The following DGKI variants were observed in gnomAD, a reference collection of about 807,000 sequenced individuals.
The protein encoded by DGKI is diacylglycerol kinase iota.
DGKI carries 55 observed loss-of-function variants against 147.5 expected under a neutral mutation model. The ratio of observed to expected loss-of-function variants is 0.37; its 90% CI spans 0.30 to 0.47. The LOEUF is 0.47. Ranked by LOEUF, DGKI falls within the 20% of genes least tolerant of loss-of-function variation. The pLI, the probability that DGKI is intolerant of heterozygous loss-of-function variation, is 1.00. For synonymous variants in DGKI, 469 were observed against 477.1 expected (o/e 0.98, Z 0.22); for missense variants, 1,007 against 1,323.8 (o/e 0.76, Z 3.71).
At chr7:137,781,326 G>A (rs1796513710) in intron 1 of DGKI, among the ~76,000 whole-genome samples, 2 of 152,174 alleles carry the variant, frequency 1.3e-5, no homozygotes, top group Non-Finnish European at 2.9e-5. Context: ...CCTTAGCAAT[G>A]GGGGGAGGGT....
At chr7:137,671,532 G>A (rs1455108499) in intron 3 of DGKI, among the ~76,000 whole-genome samples, 2 of 152,202 alleles carry the variant, frequency 1.3e-5, no homozygotes, top group Admixed American at 6.5e-5. Context: ...GTACAGAAGA[G>A]GAGGAAAATG....
At chr7:137,617,227 T>A (rs1027155035) in intron 8 of DGKI, among the ~76,000 whole-genome samples, 1 of 150,046 alleles carries the variant, frequency 6.7e-6, no homozygotes, top group Admixed American at 6.7e-5. Flanking sequence ...AGAGAAATAA[T>A]TTGGAAACAT....
At chr7:137,396,704 C>A (rs1811567516) in intron 31 of DGKI, among the ~76,000 whole-genome samples, 1 of 152,236 alleles carries the variant, frequency 6.6e-6, no homozygotes, top group African/African-American at 2.4e-5. Flanking sequence ...CACACCAACT[C>A]ATCTTTATAC....
intron 1 of DGKI, among the ~76,000 whole-genome samples, chr7:137,761,785 C>CCTCCAGACTTCTCTCCTAGA (rs1795863569): frequency 6.6e-6 from 1 of 152,174 alleles, no homozygotes; most frequent in Non-Finnish European, 1.5e-5. Flanking sequence ...TCTCTATGTT[C>CCTCCAGACTTCTCTCCTAGA]CTCCAGACTT....
At chr7:137,429,062 C>A (rs547604173) in intron 28 of DGKI, among the ~76,000 whole-genome samples, 2,807 of 152,174 alleles carry the variant, frequency 0.018, 75 homozygotes, top group African/African-American at 0.064. Context: ...CTTTAAAGTT[C>A]ATATGGAACC....
intron 18 of DGKI, among the ~76,000 whole-genome samples, chr7:137,572,015 C>T (rs1257704427): frequency 6.6e-6 from 1 of 152,202 alleles, no homozygotes; most frequent in Non-Finnish European, 1.5e-5. Flanking sequence ...ATATTGAGCA[C>T]TGCCAAGAAT....
At position 137,513,948 on chromosome 7, in the gene DGKI, G is replaced by A; in HGVS notation, c.2248+7918C>T. The A allele has an allele frequency of 6.1e-6, 5 of 813,904 alleles. No homozygotes were observed. The South Asian group carries it at 7.2e-5, about 12-fold the overall frequency. The allele number at this position is 813,904 out of a possible 1,614,324, so 50.4% of individuals were successfully genotyped here. On this transcript the variant is annotated intron_variant, in intron 21 of 32. Coordinates refer to ENST00000614521, the MANE Select transcript of DGKI (RefSeq NM_001321708.2). ...AGAGGTCCAAGTAAACCGCTAGCTT[G>A]TTGCACCGTGGAGGCCACAGGAGCA... is the stretch of plus-strand genomic sequence containing the variant.
At chr7:137,527,562 A>G (rs1453197567) in intron 20 of DGKI, among the ~76,000 whole-genome samples, 4 of 152,210 alleles carry the variant, frequency 2.6e-5, no homozygotes. Context: ...CCTTAAAGTT[A>G]TGTAATCATT....
chr7:137,418,009 G>A (rs1020181743), intron 28 of DGKI, among the ~76,000 whole-genome samples: 1 of 152,202 alleles, frequency 6.6e-6, no homozygotes, highest in South Asian at 2.1e-4. Context: ...AACAGACTAA[G>A]ATCCCCACCT....
intron 22 of DGKI, among the ~76,000 whole-genome samples, chr7:137,486,440 A>G (rs1025960608): frequency 2.0e-5 from 3 of 152,116 alleles, no homozygotes; most frequent in African/African-American, 4.8e-5. Flanking sequence ...AGCAAAATAC[A>G]AACATTATTT....
In DGKI at chr7:137,648,503, G is replaced by T. The variant is rs139747005; in HGVS notation, c.739-2966C>A. Among the ~76,000 whole-genome samples the T allele has an allele frequency of 7.5e-4, 114 of 152,306 alleles. 1 individual carries two copies. The highest frequency in any genetic ancestry group is 2.7e-3 in the African/African-American group (111 of 41,562). ...TTCCCAGTGGGTGACTGAAACTAGG[G>T]ATAGTACCAAACTTTACATATACAA... On this transcript the variant is annotated intron_variant, in intron 5 of 32. Transcript: ENST00000614521.
chr7:137,755,489 G>A (rs770932817), intron 1 of DGKI, among the ~76,000 whole-genome samples: 1 of 152,200 alleles, frequency 6.6e-6, no homozygotes, highest in Non-Finnish European at 1.5e-5. Context: ...TCTAGATTGA[G>A]ATCTTTGCCT....
At chr7:137,816,832 T>C (rs2117019407) in intron 1 of DGKI, among the ~76,000 whole-genome samples, 1 of 152,300 alleles carries the variant, frequency 6.6e-6, no homozygotes, top group African/African-American at 2.4e-5. Context: ...AATCCAAATG[T>C]AAAAAGATCC....
chr7:137,716,522 A>C (rs549520239), intron 1 of DGKI, among the ~76,000 whole-genome samples: 1 of 152,336 alleles, frequency 6.6e-6, no homozygotes. Context: ...CAGTGAAGGA[A>C]AACTCAGCAG....
At chr7:137,457,000 T>C (rs1236060356) in intron 27 of DGKI, among the ~76,000 whole-genome samples, 16 of 152,322 alleles carry the variant, frequency 1.1e-4, no homozygotes, top group African/African-American at 7.2e-5. Flanking sequence ...CCCATAGGAA[T>C]AGAGTGTTAT....
At chr7:137,530,934 T>C (rs1817317073) in intron 20 of DGKI, among the ~76,000 whole-genome samples, 1 of 152,214 alleles carries the variant, frequency 6.6e-6, no homozygotes, top group Non-Finnish European at 1.5e-5. Flanking sequence ...CTAGATATTA[T>C]TGCAAATTTA....
chr7:137,797,110 A>T (rs1057042720), intron 1 of DGKI, among the ~76,000 whole-genome samples: 1 of 152,222 alleles, frequency 6.6e-6, no homozygotes, highest in African/African-American at 2.4e-5. Context: ...CAGCTGACTT[A>T]TCCTAAAACA....
At chr7:137,667,929 T>C (rs1822699829) in intron 3 of DGKI, among the ~76,000 whole-genome samples, 1 of 152,158 alleles carries the variant, frequency 6.6e-6, no homozygotes, top group African/African-American at 2.4e-5. Context: ...CTGTGTAATA[T>C]ACACATTACC....
At chr7:137,760,135 C>G (rs2116800899) in intron 1 of DGKI, among the ~76,000 whole-genome samples, 1 of 152,270 alleles carries the variant, frequency 6.6e-6, no homozygotes, top group Middle Eastern at 3.4e-3. Flanking sequence ...CAGAGCCCAC[C>G]TCACCTACTA....
Sources: gnomAD v4.1 joint callset for allele counts (sites outside exome capture counted in the v4.1 genomes callset) on GRCh38, gnomAD v4.1.1 for gene constraint, MANE v1.5 for transcripts, NCBI Gene and HGNC (gene_info 2026-07-23, HGNC 2026-07-21) for gene names.